Variants in F13A1 observed in about 807,000 individuals in gnomAD.
The protein encoded by F13A1 is FSF, A subunit.
F13A1 carries 47 observed loss-of-function variants against 80.1 expected under a neutral mutation model. The observed-to-expected ratio is 0.59, with a 90% confidence interval of 0.46 to 0.75. F13A1 has a LOEUF of 0.75. F13A1 is among the 30% of genes least tolerant of loss of function. F13A1 has a pLI of 0.00. For missense variants in F13A1, 817 were observed against 930.4 expected (o/e 0.88, Z 1.59); for synonymous variants, 349 against 344.9 (o/e 1.01, Z -0.13).
At chr6:6,316,232 G>C (rs1005800962) in intron 2 of F13A1, among the ~76,000 whole-genome samples, 1 of 146,814 alleles carries the variant, frequency 6.8e-6, no homozygotes, top group African/African-American at 2.5e-5. Context: ...CACTTATCTT[G>C]TCTGTGAAAA....
At chr6:6,229,241 T>A (rs987374231) in intron 6 of F13A1, among the ~76,000 whole-genome samples, 36 of 151,992 alleles carry the variant, frequency 2.4e-4, no homozygotes, top group African/African-American at 8.7e-4. Flanking sequence ...GAGGGAGAGA[T>A]CATGAAAAAA....
At chr6:6,278,041 A>T (rs1219396868) in intron 3 of F13A1, among the ~76,000 whole-genome samples, 1 of 152,052 alleles carries the variant, frequency 6.6e-6, no homozygotes, top group Non-Finnish European at 1.5e-5. Context: ...AGAAATAAAG[A>T]CTCCTTTCCA....
At chr6:6,180,141 C>T (rs1178307046) in intron 11 of F13A1, among the ~76,000 whole-genome samples, 1 of 152,234 alleles carries the variant, frequency 6.6e-6, no homozygotes. Context: ...CTTCCAAATA[C>T]GAGAGTTCTC....
At chr6:6,313,675 G>GGTTT (rs3024344) in intron 2 of F13A1, among the ~76,000 whole-genome samples, 106,485 of 151,572 alleles carry the variant, frequency 0.7, 37,982 homozygotes, top group East Asian at 0.85. Flanking sequence ...ATGAGAAACT[G>GGTTT]ATTTATTTAA....
intron 3 of F13A1, among the ~76,000 whole-genome samples, chr6:6,288,935 C>T (rs146092658): frequency 3.0e-4 from 46 of 152,240 alleles, no homozygotes; most frequent in African/African-American, 1.1e-3. Flanking sequence ...GCCAGTTGGC[C>T]ATTTTGGTGT....
intron 3 of F13A1, among the ~76,000 whole-genome samples, chr6:6,292,917 T>C (rs1343266154): frequency 6.6e-6 from 1 of 152,180 alleles, no homozygotes; most frequent in Non-Finnish European, 1.5e-5. Flanking sequence ...GGGAATACTT[T>C]CACAGCTTGC....
chr6:6,262,356 T>A (rs1229405224), intron 4 of F13A1, among the ~76,000 whole-genome samples: 1 of 152,264 alleles, frequency 6.6e-6, no homozygotes, highest in Non-Finnish European at 1.5e-5. Context: ...TCACAGATGT[T>A]GTGTGTGGCT....
chr6:6,301,387 C>G (rs780309273), intron 3 of F13A1, among the ~76,000 whole-genome samples: 1 of 152,146 alleles, frequency 6.6e-6, no homozygotes, highest in Non-Finnish European at 1.5e-5. Context: ...ACTTGCCTTT[C>G]TTGTATCTAC....
intron 10 of F13A1, among the ~76,000 whole-genome samples, chr6:6,184,163 A>G (rs1215645037): frequency 6.6e-6 from 1 of 152,232 alleles, no homozygotes; most frequent in Non-Finnish European, 1.5e-5. Context: ...GAACCTCACA[A>G]CAACAAGCCT....
intron 1 of F13A1, among the ~76,000 whole-genome samples, chr6:6,320,173 G>T (rs1758754280): frequency 6.6e-6 from 1 of 152,084 alleles, no homozygotes; most frequent in South Asian, 2.1e-4. Context: ...GCAGGAGTGG[G>T]GAGGCGCGCA....
intron 3 of F13A1, among the ~76,000 whole-genome samples, chr6:6,284,569 T>C (rs1006099279): frequency 1.3e-5 from 2 of 152,184 alleles, no homozygotes; most frequent in Non-Finnish European, 2.9e-5. Context: ...ACATTCCTCA[T>C]GGGCCTGCCT....
intron 2 of F13A1, among the ~76,000 whole-genome samples, chr6:6,308,606 C>CTTTTTTTTTTTT (rs770570204): frequency 1.1e-5 from 1 of 88,850 alleles, no homozygotes; most frequent in African/African-American, 4.5e-5. Context: ...AAAACACATT[C>CTTTTTTTTTTTT]TTTTTTTTTT....
intron 3 of F13A1, among the ~76,000 whole-genome samples, chr6:6,300,107 C>T (rs1758399475): frequency 6.9e-6 from 1 of 144,624 alleles, no homozygotes; most frequent in Non-Finnish European, 1.5e-5. Flanking sequence ...TCTGCCTGTT[C>T]TCAGATCTCC....
intron 6 of F13A1, among the ~76,000 whole-genome samples, chr6:6,231,154 C>T (rs1026651718): frequency 6.6e-5 from 10 of 151,932 alleles, no homozygotes; most frequent in African/African-American, 2.4e-4. Context: ...AAGTGAAGCC[C>T]AATGCAAGGA....
intron 3 of F13A1, among the ~76,000 whole-genome samples, chr6:6,277,643 C>A (rs1186676436): frequency 6.6e-6 from 1 of 152,208 alleles, no homozygotes; most frequent in Non-Finnish European, 1.5e-5. Context: ...CTGATTTCAG[C>A]ATCTTTCTCC....
intron 11 of F13A1, among the ~76,000 whole-genome samples, chr6:6,176,761 G>A (rs147351966): frequency 4.5e-4 from 68 of 152,296 alleles, no homozygotes; most frequent in Non-Finnish European, 1.2e-4. Flanking sequence ...CTTTGGATGC[G>A]GGCCAGAGAT....
chr6:6,163,117 C>A (rs573491621), intron 13 of F13A1, among the ~76,000 whole-genome samples: 2 of 152,350 alleles, frequency 1.3e-5, no homozygotes, highest in African/African-American at 4.8e-5. Flanking sequence ...GGTCTCCTCT[C>A]TGTCTCTCAC....
At chr6:6,150,904 C>T (rs1336215596) in intron 14 of F13A1, among the ~76,000 whole-genome samples, 1 of 151,952 alleles carries the variant, frequency 6.6e-6, no homozygotes, top group African/African-American at 2.4e-5. Context: ...AAAGTCAGGA[C>T]AGATATTTGT....
intron 2 of F13A1, among the ~76,000 whole-genome samples, chr6:6,308,461 T>TAAAAA (rs35426137): frequency 4.9e-5 from 7 of 143,738 alleles, no homozygotes; most frequent in African/African-American, 1.8e-4. Context: ...GGTTTTTCTG[T>TAAAAA]AAAAAAAAAA....
Sources: allele counts gnomAD v4.1 joint callset (sites outside exome capture counted in the v4.1 genomes callset), GRCh38; gene constraint gnomAD v4.1.1; transcripts MANE v1.5; gene names NCBI Gene and HGNC (gene_info 2026-07-23, HGNC 2026-07-21).